The following RAPH1 variants were observed in gnomAD, a reference collection of about 807,000 sequenced individuals.
RAPH1 encodes the protein ras-associated and pleckstrin homology domains-containing protein 1.
RAPH1 carries 18 observed loss-of-function variants against 88.1 expected under a neutral mutation model. That is an observed-to-expected ratio of 0.20 (90% CI 0.14 to 0.30). The LOEUF (loss-of-function observed/expected upper bound fraction) is 0.30, where lower values mean the gene tolerates loss of function less well. Among genes scored for constraint, RAPH1 ranks in the 10% least tolerant of loss-of-function variants. The pLI, the probability that RAPH1 is intolerant of heterozygous loss-of-function variation, is 1.00. For missense variants in RAPH1, 1,448 were observed against 1,543.2 expected (o/e 0.94, Z 1.03); for synonymous variants, 587 against 559.0 (o/e 1.05, Z -0.71).
intron 4 of RAPH1, among the ~76,000 whole-genome samples, chr2:203,484,666 G>T (rs1176060356): frequency 1.3e-5 from 2 of 152,210 alleles, no homozygotes; most frequent in Non-Finnish European, 2.9e-5. Flanking sequence ...AATTTATATC[G>T]TGTAACCTCA....
intron 4 of RAPH1, among the ~76,000 whole-genome samples, chr2:203,468,444 T>A (rs2098530374): frequency 6.6e-6 from 1 of 152,202 alleles, no homozygotes; most frequent in Non-Finnish European, 1.5e-5. Context: ...TTTCTTTGCA[T>A]CCTTCAGGCT....
At position 203,454,373 on chromosome 2, in the gene RAPH1, A is replaced by G. The variant is rs2098517435; in HGVS notation, c.1413+57T>C. On this transcript the variant is annotated intron_variant, in intron 10 of 13. Transcript: ENST00000319170. ...AATCTCAACAGTTCTAAAATATCCAATAACCTGCTCTATGTCTAACATCAA... is the reference window on the plus strand; with the variant it reads ...AATCTCAACAGTTCTAAAATATCCAGTAACCTGCTCTATGTCTAACATCAA... 8 of 1,163,042 alleles carry G rather than the reference A, an allele frequency of 6.9e-6. No individual in the cohort carries two copies. The South Asian group carries it at 1.1e-4, about 16-fold the overall frequency. 72.0% of individuals were successfully genotyped at this position (1,163,042 alleles called of 1,614,324 possible).
At chr2:203,460,824 T>C (rs1448826932) in intron 6 of RAPH1, among the ~76,000 whole-genome samples, 1 of 152,084 alleles carries the variant, frequency 6.6e-6, no homozygotes, top group Non-Finnish European at 1.5e-5. Flanking sequence ...CGAAAAAATA[T>C]ATAAAGATGA....
chr2:203,533,223 C>T (rs1351903587), intron 1 of RAPH1: 1 of 152,224 alleles, frequency 6.6e-6, no homozygotes, highest in Non-Finnish European at 1.5e-5. Flanking sequence ...AAATAAGCTG[C>T]TGCTTCTACC....
chr2:203,500,107 T>A (rs576050332), intron 1 of RAPH1, among the ~76,000 whole-genome samples: 1 of 152,078 alleles, frequency 6.6e-6, no homozygotes, highest in Non-Finnish European at 1.5e-5. Context: ...GAGATGAACA[T>A]GACAACCTCT....
At chr2:203,441,590 A>G in intron 13 of RAPH1, 177 bp from the exon 14 acceptor site, 1 of 1,356,524 alleles carries the variant, frequency 7.4e-7, no homozygotes, top group Non-Finnish European at 9.4e-7. Context: ...CTAAAATCTG[A>G]TTGTGCGGGC....
In RAPH1 at chr2:203,437,767, C is replaced by T; in HGVS notation, c.*1670G>A. 1 of 186,694 alleles carries T rather than the reference C, an allele frequency of 5.4e-6. No individual in the cohort carries two copies. Among genetic ancestry groups the T allele is most frequent in the Non-Finnish European group, 1.1e-5 (1 of 90,534 alleles). 11.6% of individuals were successfully genotyped at this position (186,694 alleles called of 1,614,324 possible). ...TTCTAGAATTATTTACCATCTCTTC[C>T]CCCACTTTACTGGCATCACTTTTTC... On this transcript the variant is annotated 3_prime_UTR_variant, in exon 14 of 14. Coordinates refer to ENST00000319170, the MANE Select transcript of RAPH1 (RefSeq NM_213589.3).
At chr2:203,516,194 T>C (rs957242754) in intron 1 of RAPH1, among the ~76,000 whole-genome samples, 1 of 152,158 alleles carries the variant, frequency 6.6e-6, no homozygotes, top group African/African-American at 2.4e-5. Flanking sequence ...TGAAAGTGGA[T>C]TTCAATTAGT....
chr2:203,534,612 T>C (rs2469961), intron 1 of RAPH1, among the ~76,000 whole-genome samples: 3 of 146,822 alleles, frequency 2.0e-5, no homozygotes, highest in Admixed American at 7.2e-5. Context: ...CAATTACTTA[T>C]CCTGTTTAAT....
chr2:203,441,149 C>T lies in RAPH1; in HGVS notation c.2041G>A (p.Gly681Arg). ...GGTGTTGGCGGCTTAAACAGGGCCC[C>T]TGAATGCTGAGACGCATTCTGTAGC... is the stretch of plus-strand genomic sequence containing the variant. ...TRLQNASQHS[G>R]ALFKPPTPPV... Residue 681 changes from glycine (G) to arginine (R), a missense_variant, in exon 14 of 14, where the codon GGG becomes AGG. Transcript: ENST00000319170. 1.2e-6 allele frequency: 2 copies of T among 1,612,500 alleles called. No homozygotes were observed. Among genetic ancestry groups the T allele is most frequent in the Non-Finnish European group, 1.7e-6 (2 of 1,179,720 alleles).
chr2:203,476,962 G>T (rs371969359), intron 4 of RAPH1: 6 of 711,204 alleles, frequency 8.4e-6, no homozygotes, highest in East Asian at 7.9e-5. Flanking sequence ...TATTAAGTTT[G>T]GTTTAATTTT....
At position 203,439,943 on chromosome 2, in the gene RAPH1, G is replaced by A. The variant is rs117139389; in HGVS notation, c.3247C>T (p.Pro1083Ser). ...FPPPPPETEL[P>S]LPPIEIPAVF... ...GCTGGAATCTCAATGGGGGGCAGAG[G>A]AAGCTCTGTTTCAGGTGGAGGGGGT... Residue 1083 changes from proline (P) to serine (S), a missense_variant, in exon 14 of 14, where the codon CCT becomes TCT. This residue lies in a region of RAPH1 where 935 missense variants were observed against 890.1 expected (regional missense o/e 1.05). Coordinates refer to ENST00000319170, the MANE Select transcript of RAPH1 (RefSeq NM_213589.3). The A allele has an allele frequency of 4.0e-4, 646 of 1,613,920 alleles. 4 individuals are homozygous for A. In the East Asian group the frequency reaches 0.012, roughly 29 times the overall value.
chr2:203,480,021 T>C (rs1687649758), intron 4 of RAPH1, among the ~76,000 whole-genome samples: 1 of 152,238 alleles, frequency 6.6e-6, no homozygotes, highest in Non-Finnish European at 1.5e-5. Context: ...CAATTCTCTG[T>C]ATAAATTTTG....
intron 1 of RAPH1, among the ~76,000 whole-genome samples, chr2:203,528,438 G>C (rs1336037331): frequency 6.6e-6 from 1 of 152,152 alleles, no homozygotes; most frequent in East Asian, 1.9e-4. Context: ...GACAAATAGG[G>C]AGAACAAACT....
At chr2:203,530,078 C>A (rs893289174) in intron 1 of RAPH1, among the ~76,000 whole-genome samples, 3 of 152,130 alleles carry the variant, frequency 2.0e-5, no homozygotes, top group Non-Finnish European at 4.4e-5. Context: ...TTATTAAGAG[C>A]AAATACATAT....
intron 4 of RAPH1, among the ~76,000 whole-genome samples, chr2:203,477,802 T>G (rs146478050): frequency 6.6e-6 from 1 of 152,236 alleles, no homozygotes; most frequent in African/African-American, 2.4e-5. Flanking sequence ...AACTAATCAG[T>G]ACATTGGGGG....
intron 4 of RAPH1, among the ~76,000 whole-genome samples, chr2:203,472,764 C>T (rs1259234344): frequency 2.6e-5 from 4 of 151,988 alleles, no homozygotes; most frequent in Non-Finnish European, 4.4e-5. Context: ...AAATGTAATT[C>T]CAAACATCAA....
At chr2:203,489,270 T>C (rs1688133728) in intron 4 of RAPH1, among the ~76,000 whole-genome samples, 1 of 152,222 alleles carries the variant, frequency 6.6e-6, no homozygotes, top group African/African-American at 2.4e-5. Context: ...ATTAAATAAC[T>C]AAATGGTTTT....
intron 4 of RAPH1, among the ~76,000 whole-genome samples, chr2:203,464,364 C>T (rs545123725): frequency 2.2e-4 from 33 of 152,272 alleles, no homozygotes; most frequent in African/African-American, 5.5e-4. Flanking sequence ...CTCCACCTCC[C>T]GGGTTCAAGC....
Sources: gnomAD v4.1 joint callset for allele counts (sites outside exome capture counted in the v4.1 genomes callset) on GRCh38, gnomAD v4.1.1 for gene constraint, gnomAD v4.1.1 regional missense constraint, MANE v1.5 for transcripts, NCBI Gene and HGNC (gene_info 2026-07-23, HGNC 2026-07-21) for gene names.